Variants in SCML2 observed in about 807,000 individuals in gnomAD.
SCML2 encodes Scm polycomb group protein like 2, also known as sex comb on midleg-like protein 2.
In SCML2, 6 loss-of-function variants were observed where a neutral mutation model predicts 48.4. The ratio of observed to expected loss-of-function variants is 0.12; its 90% CI spans 0.07 to 0.24. The LOEUF (loss-of-function observed/expected upper bound fraction) is 0.24. Ranked by LOEUF, SCML2 falls within the 10% of genes least tolerant of loss-of-function variation. The probability of loss-of-function intolerance (pLI) is 1.00; values close to 1 mark genes in which losing one functional copy is unlikely to be tolerated. For synonymous variants in SCML2, 181 were observed against 189.5 expected (o/e 0.95, Z 0.37); for missense variants, 377 against 528.2 (o/e 0.71, Z 2.81).
chrX:18,294,652 T>C (rs1250600850), intron 7 of SCML2, among the ~76,000 whole-genome samples: 2 of 109,606 alleles, frequency 1.8e-5, no homozygotes, highest in Non-Finnish European at 3.8e-5. Flanking sequence ...CCCACCAACA[T>C]CTCCCAACAT....
intron 7 of SCML2, among the ~76,000 whole-genome samples, chrX:18,284,453 T>C (rs917750550): frequency 1.2e-4 from 13 of 111,849 alleles, no homozygotes; most frequent in Non-Finnish European, 2.4e-4. Context: ...AAAGAAACCA[T>C]CAGCAGAATA....
chrX:18,291,417 T>C (rs1928230254), intron 7 of SCML2, among the ~76,000 whole-genome samples: 1 of 112,486 alleles, frequency 8.9e-6, no homozygotes, highest in Admixed American at 9.4e-5. Flanking sequence ...TTTTTGCTGT[T>C]TCTGATCACA....
At chrX:18,295,292 C>G (rs1928356696) in intron 7 of SCML2, among the ~76,000 whole-genome samples, 1 of 110,789 alleles carries the variant, frequency 9.0e-6, no homozygotes, top group Non-Finnish European at 1.9e-5. Flanking sequence ...ACAGGCATGG[C>G]TAGCTGGCAC....
intron 7 of SCML2, among the ~76,000 whole-genome samples, chrX:18,270,061 T>C (rs1354583385): frequency 1.0e-5 from 1 of 99,522 alleles, no homozygotes; most frequent in East Asian, 3.1e-4. Context: ...AGAGTCTCAC[T>C]GTGTCACCCA....
At chrX:18,350,273 ACT>A (rs1405860270) in intron 1 of SCML2, among the ~76,000 whole-genome samples, 1 of 106,258 alleles carries the variant, frequency 9.4e-6, no homozygotes, top group African/African-American at 3.5e-5. Context: ...ACAGAGCAAG[ACT>A]CTCAAAAAAA....
intron 6 of SCML2, among the ~76,000 whole-genome samples, chrX:18,308,418 A>T (rs1440346964): frequency 1.8e-5 from 2 of 109,630 alleles, no homozygotes; most frequent in East Asian, 5.7e-4. Flanking sequence ...AAATACTGGC[A>T]AACTATCCAT....
At chrX:18,266,079 T>C (rs1927249801) in intron 7 of SCML2, among the ~76,000 whole-genome samples, 1 of 111,366 alleles carries the variant, frequency 9.0e-6, no homozygotes, top group Admixed American at 9.6e-5. Context: ...CCTAGCAACT[T>C]ACCTATTAGG....
rs532424592 is a variant in SCML2 at position 18,256,400 on chromosome X, C to T, written c.1456+448G>A. On this transcript the variant is annotated intron_variant, in intron 11 of 14. Coordinates refer to ENST00000251900, the MANE Select transcript of SCML2 (RefSeq NM_006089.3). ...CTGGGAGGCGGAGGTTGCAGTGAGC[C>T]GAGATTGTGCCACTACACTTCAGCC... 1.4e-3 allele frequency among the ~76,000 whole-genome samples: 157 copies of T among 111,257 alleles called. No individual in the cohort carries two copies. In the Middle Eastern group the frequency reaches 0.019, roughly 13 times the overall value.
At chrX:18,287,216 A>G (rs2147505570) in intron 7 of SCML2, among the ~76,000 whole-genome samples, 1 of 112,218 alleles carries the variant, frequency 8.9e-6, no homozygotes, top group South Asian at 3.7e-4. Context: ...AAAAGTAAAG[A>G]TTTCGTTTAA....
intron 7 of SCML2, among the ~76,000 whole-genome samples, chrX:18,300,593 C>T (rs765956001): frequency 5.5e-4 from 61 of 110,466 alleles, no homozygotes; most frequent in Non-Finnish European, 1.0e-3. Context: ...GAGTTCAAGA[C>T]CAGCCTGGCC....
At chrX:18,309,258 AT>A (rs781091735) in intron 6 of SCML2, among the ~76,000 whole-genome samples, 74 of 109,920 alleles carry the variant, frequency 6.7e-4, no homozygotes, top group South Asian at 4.0e-3. Context: ...CAGAATGGCC[AT>A]TATTAAAAAG....
intron 1 of SCML2, among the ~76,000 whole-genome samples, chrX:18,352,253 G>A (rs187948022): frequency 8.9e-6 from 1 of 112,276 alleles, no homozygotes; most frequent in African/African-American, 3.2e-5. Context: ...CTTAGTAATA[G>A]AAATTGCTTA....
intron 8 of SCML2, among the ~76,000 whole-genome samples, chrX:18,263,142 AT>A (rs201695933): frequency 9.8e-4 from 101 of 103,451 alleles, no homozygotes; most frequent in East Asian, 8.9e-4. Flanking sequence ...AATTCTTTGC[AT>A]TTTTTTTTTT....
At chrX:18,325,022 A>G (rs1428158147) in intron 3 of SCML2, 45 bp from the exon 4 acceptor site, 2 of 962,724 alleles carry the variant, frequency 2.1e-6, no homozygotes, top group Admixed American at 4.7e-5. Flanking sequence ...AGCATATACA[A>G]TGTAACTTTT....
Position 18,241,142 on chromosome X carries a change from T to C in SCML2, c.*109A>G, listed in dbSNP as rs779044208. On this transcript the variant is annotated 3_prime_UTR_variant, in exon 15 of 15. Coordinates refer to ENST00000251900, the MANE Select transcript of SCML2 (RefSeq NM_006089.3). ...ACAGTTCTGCAATTCTGATAAAATATTTTTATGGGAACTGTCTACAAAACA... is the reference window on the plus strand; with the variant it reads ...ACAGTTCTGCAATTCTGATAAAATACTTTTATGGGAACTGTCTACAAAACA... The C allele has an allele frequency of 1.4e-6, 1 of 706,283 alleles. No homozygotes were observed. Among genetic ancestry groups the C allele is most frequent in the East Asian group, 4.0e-5 (1 of 25,258 alleles). The allele number at this position is 706,283 out of a possible 1,213,427, so 58.2% of individuals were successfully genotyped here.
At chrX:18,251,309 C>CAAAAAAAA (rs750658948) in intron 11 of SCML2, among the ~76,000 whole-genome samples, 13 of 6,772 alleles carry the variant, frequency 1.9e-3, no homozygotes, top group African/African-American at 8.3e-3. Context: ...GATTCCATTG[C>CAAAAAAAA]AAAAAAAAAA....
chrX:18,248,228 A>C (rs1926523494), intron 11 of SCML2, among the ~76,000 whole-genome samples: 2 of 111,835 alleles, frequency 1.8e-5, no homozygotes, highest in African/African-American at 6.5e-5. Context: ...GAGCCAGAGG[A>C]GTTAAAACTT....
intron 3 of SCML2, among the ~76,000 whole-genome samples, chrX:18,327,974 A>G (rs1929537621): frequency 8.9e-6 from 1 of 111,883 alleles, no homozygotes; most frequent in Non-Finnish European, 1.9e-5. Flanking sequence ...CCTCTGCATC[A>G]TGTCTTCATT....
rs1928713365 is a variant in SCML2 at position 18,305,040 on chromosome X, G to T, written c.662C>A (p.Ser221Tyr). The change falls in exon 7 of 15, where the codon TCT becomes TAT. Residue 221 changes from serine to tyrosine, a missense_variant. Physicochemically the swap from Ser to Tyr is moderately radical, Grantham distance 144 (BLOSUM62 -2). Coordinates refer to ENST00000251900, the MANE Select transcript of SCML2 (RefSeq NM_006089.3). ...CCACCCAGCTGGGAAAATATCTCGA[G>T]AATCATACTTGCACCAGTAATCAAA... Reference protein sequence around the residue: ...GAFDYWCKYDSRDIFPAGWCR... With the variant: ...GAFDYWCKYDYRDIFPAGWCR... The T allele has an allele frequency of 8.3e-7, 1 of 1,208,938 alleles. No individual in the cohort carries two copies. Among genetic ancestry groups the T allele is most frequent in the African/African-American group, 1.8e-5 (1 of 56,979 alleles).
Sources: gnomAD v4.1 joint callset for allele counts (sites outside exome capture counted in the v4.1 genomes callset) on GRCh38, gnomAD v4.1.1 for gene constraint, MANE v1.5 for transcripts, NCBI Gene and HGNC (gene_info 2026-07-23, HGNC 2026-07-21) for gene names.